SLC8A1: variants seen among roughly 807,000 people sequenced by gnomAD.
SLC8A1 encodes solute carrier family 8 member A1.
In SLC8A1, 18 loss-of-function variants were observed where a neutral mutation model predicts 68.3. The observed-to-expected ratio is 0.26, with a 90% CI of 0.18 to 0.39. SLC8A1 has a LOEUF of 0.39. SLC8A1 is among the 10% of genes least tolerant of loss of function. The probability of loss-of-function intolerance (pLI) is 1.00; values close to 1 mark genes in which losing one functional copy is unlikely to be tolerated. For synonymous variants in SLC8A1, 475 were observed against 415.5 expected, an observed-to-expected ratio of 1.14 and a Z score of -1.74; for missense variants, 985 against 1,156.7, an observed-to-expected ratio of 0.85 and a Z score of 2.15.
intron 1 of SLC8A1, among the ~76,000 whole-genome samples, chr2:40,483,791 C>G (rs1704788628): frequency 6.6e-6 from 1 of 152,166 alleles, no homozygotes; most frequent in Non-Finnish European, 1.5e-5. Context: ...ATGGCTGGAA[C>G]TTGAGCAGCC....
intron 1 of SLC8A1, among the ~76,000 whole-genome samples, chr2:40,432,088 G>A (rs1025148881): frequency 5.3e-5 from 8 of 152,066 alleles, no homozygotes; most frequent in African/African-American, 1.9e-4. Flanking sequence ...TCTTTGAAAG[G>A]CTTTGAGATT....
intron 2 of SLC8A1, among the ~76,000 whole-genome samples, chr2:40,242,580 A>C (rs986152053): frequency 1.3e-5 from 2 of 152,222 alleles, no homozygotes; most frequent in African/African-American, 4.8e-5. Context: ...ACCGTCTTGA[A>C]TGTCAAAGGT....
intron 2 of SLC8A1, among the ~76,000 whole-genome samples, chr2:40,238,081 A>C (rs1574508919): frequency 6.6e-6 from 1 of 152,326 alleles, no homozygotes; most frequent in South Asian, 2.1e-4. Context: ...CTGCCCCCAG[A>C]GGTGGAGCCT....
chr2:40,480,384 A>C (rs1263466628), intron 1 of SLC8A1, among the ~76,000 whole-genome samples: 2 of 152,134 alleles, frequency 1.3e-5, no homozygotes, highest in Non-Finnish European at 1.5e-5. Context: ...TCCTTATGAA[A>C]AAAAGTCCCA....
intron 2 of SLC8A1, among the ~76,000 whole-genome samples, chr2:40,260,084 C>A (rs2064486317): frequency 6.6e-6 from 1 of 152,194 alleles, no homozygotes; most frequent in Non-Finnish European, 1.5e-5. Context: ...ACCTAACAAA[C>A]ACATTTACAT....
At chr2:40,202,584 C>T (rs936295820) in intron 2 of SLC8A1, among the ~76,000 whole-genome samples, 5 of 151,952 alleles carry the variant, frequency 3.3e-5, no homozygotes, top group African/African-American at 1.2e-4. Context: ...TATATTTTAT[C>T]CTTTTTTTCT....
intron 2 of SLC8A1, among the ~76,000 whole-genome samples, chr2:40,226,052 TG>T (rs1482036090): frequency 2.0e-5 from 3 of 152,154 alleles, no homozygotes; most frequent in Non-Finnish European, 4.4e-5. Context: ...AAGCCAGCTT[TG>T]CTTGCAATTA....
At chr2:40,133,390 T>C (rs1255803181) in intron 7 of SLC8A1, among the ~76,000 whole-genome samples, 4 of 3,378 alleles carry the variant, frequency 1.2e-3, no homozygotes, top group Admixed American at 8.3e-3. Flanking sequence ...ATATACAAAA[T>C]TGGGGGGGGG....
At chr2:40,325,836 C>T (rs1280046400) in intron 2 of SLC8A1, among the ~76,000 whole-genome samples, 1 of 150,122 alleles carries the variant, frequency 6.7e-6, no homozygotes, top group Non-Finnish European at 1.5e-5. Context: ...TGCCTGTAGT[C>T]CCAGCTACTT....
intron 2 of SLC8A1, among the ~76,000 whole-genome samples, chr2:40,403,845 C>G (rs1400999640): frequency 6.6e-6 from 1 of 152,156 alleles, no homozygotes; most frequent in East Asian, 1.9e-4. Context: ...CACAAAAATA[C>G]AGCTATGAAG....
intron 2 of SLC8A1, among the ~76,000 whole-genome samples, chr2:40,421,986 T>C (rs1695635620): frequency 6.6e-6 from 1 of 152,088 alleles, no homozygotes; most frequent in Admixed American, 6.6e-5. Flanking sequence ...CTTCTGGACT[T>C]CCCACCAGAA....
chr2:40,115,230 A>T, exon 8 of SLC8A1: 1 of 1,515,226 alleles, frequency 6.6e-7, no homozygotes, highest in Non-Finnish European at 8.9e-7. Flanking sequence ...ATATATATAA[A>T]TTTACTATAT....
At chr2:40,359,911 C>G (rs1233060820) in intron 2 of SLC8A1, among the ~76,000 whole-genome samples, 1 of 141,816 alleles carries the variant, frequency 7.1e-6, no homozygotes, top group Non-Finnish European at 1.5e-5. Context: ...TTTTAAATAT[C>G]TTTTACCCAG....
chr2:40,277,754 A>G (rs963888538), intron 2 of SLC8A1, among the ~76,000 whole-genome samples: 2 of 146,614 alleles, frequency 1.4e-5, no homozygotes, highest in African/African-American at 2.5e-5. Flanking sequence ...AAAGCAATAT[A>G]CGTACATATA....
chr2:40,261,312 AT>A (rs2064669339), intron 2 of SLC8A1, among the ~76,000 whole-genome samples: 1 of 152,054 alleles, frequency 6.6e-6, no homozygotes, highest in Admixed American at 6.6e-5. Context: ...AGAGGCAATC[AT>A]TTTTCAGCTC....
chr2:40,275,253 A>T (rs181338378), intron 2 of SLC8A1, among the ~76,000 whole-genome samples: 191 of 152,306 alleles, frequency 1.3e-3, no homozygotes, highest in Non-Finnish European at 1.7e-3. Context: ...AATTATGACC[A>T]TGAGGCACCT....
chr2:40,242,297 T>C (rs2061330594), intron 2 of SLC8A1, among the ~76,000 whole-genome samples: 1 of 152,216 alleles, frequency 6.6e-6, no homozygotes, highest in Non-Finnish European at 1.5e-5. Flanking sequence ...GAATGTAATT[T>C]TGGAAAACAA....
At chr2:40,254,682 C>G (rs1298708257) in intron 2 of SLC8A1, 1 of 152,214 alleles carries the variant, frequency 6.6e-6, no homozygotes, top group Non-Finnish European at 1.5e-5. Flanking sequence ...CTAATGCTGT[C>G]TAGTTGATCT....
intron 2 of SLC8A1, among the ~76,000 whole-genome samples, chr2:40,274,460 A>G (rs546403906): frequency 5.3e-5 from 8 of 152,110 alleles, no homozygotes; most frequent in Non-Finnish European, 1.0e-4. Context: ...TCTCTGGAAA[A>G]TGAGCATGCC....
Sources: allele counts gnomAD v4.1 joint callset (sites outside exome capture counted in the v4.1 genomes callset), GRCh38; gene constraint gnomAD v4.1.1; transcripts MANE v1.5; gene names NCBI Gene and HGNC (gene_info 2026-07-23, HGNC 2026-07-21).